TRPC5: variants seen among roughly 807,000 people sequenced by gnomAD.
TRPC5 encodes the protein short transient receptor potential channel 5.
A neutral mutation model predicts 56.5 loss-of-function variants in TRPC5; 9 were observed. The observed-to-expected ratio is 0.16, with a 90% CI of 0.10 to 0.28. The LOEUF (loss-of-function observed/expected upper bound fraction) is 0.28, where lower values mean the gene tolerates loss of function less well. TRPC5 is among the 10% of genes least tolerant of loss of function. TRPC5 has a pLI of 1.00. For synonymous variants in TRPC5, 282 were observed against 278.5 expected (o/e 1.01, Z -0.13); for missense variants, 469 against 748.9 (o/e 0.63, Z 4.36).
chrX:111,866,119 C>G (rs1444885668), intron 3 of TRPC5, among the ~76,000 whole-genome samples: 1 of 113,552 alleles, frequency 8.8e-6, no homozygotes, highest in Non-Finnish European at 1.9e-5. Context: ...ACACTGCACT[C>G]TCTGACAATC....
At chrX:111,826,384 C>T (rs1298261362) in intron 7 of TRPC5, among the ~76,000 whole-genome samples, 1 of 112,015 alleles carries the variant, frequency 8.9e-6, no homozygotes, top group Non-Finnish European at 1.9e-5. Flanking sequence ...TCATAGATTC[C>T]ACATTACCCA....
intron 2 of TRPC5, among the ~76,000 whole-genome samples, chrX:111,934,613 C>A (rs372451386): frequency 9.0e-6 from 1 of 111,416 alleles, no homozygotes; most frequent in Admixed American, 9.6e-5. Context: ...TTCCCCCACC[C>A]CAACTACTAT....
At chrX:111,944,303 T>TGAAAGAGA (rs1556592296) in intron 2 of TRPC5, among the ~76,000 whole-genome samples, 11 of 61,369 alleles carry the variant, frequency 1.8e-4, no homozygotes, top group African/African-American at 1.2e-3. Context: ...TGTGTGTGTG[T>TGAAAGAGA]GAGAGAGAGA....
At chrX:111,955,808 T>C (rs1033488589) in intron 1 of TRPC5, among the ~76,000 whole-genome samples, 2 of 112,216 alleles carry the variant, frequency 1.8e-5, no homozygotes, top group Non-Finnish European at 3.8e-5. Context: ...TGGAAGGTTT[T>C]TCCCCATGAC....
At chrX:112,056,006 A>G (rs1003444140) in intron 1 of TRPC5, among the ~76,000 whole-genome samples, 3 of 111,598 alleles carry the variant, frequency 2.7e-5, no homozygotes, top group African/African-American at 9.8e-5. Flanking sequence ...TGGAGCATCA[A>G]GATAGGGTGA....
chrX:111,969,931 T>A (rs1927733474), intron 1 of TRPC5, among the ~76,000 whole-genome samples: 1 of 110,363 alleles, frequency 9.1e-6, no homozygotes, highest in Admixed American at 9.8e-5. Context: ...TGAACCAGAG[T>A]AGGGGAGAAT....
At chrX:111,967,326 A>G (rs1156950780) in intron 1 of TRPC5, among the ~76,000 whole-genome samples, 1 of 110,877 alleles carries the variant, frequency 9.0e-6, no homozygotes, top group Non-Finnish European at 1.9e-5. Flanking sequence ...AAGGAAATAA[A>G]AGAGGATACA....
intron 1 of TRPC5, among the ~76,000 whole-genome samples, chrX:112,060,013 A>C (rs1211292928): frequency 8.9e-6 from 1 of 112,257 alleles, no homozygotes; most frequent in African/African-American, 3.2e-5. Flanking sequence ...GACACTGAGG[A>C]CTTATCAAGC....
At position 111,807,954 on chromosome X, in the gene TRPC5, C is replaced by CTG. The variant is rs1158422740; in HGVS notation, c.1897-25817_1897-25816insCA. ...ACAAATGGAGTCTCTCTCTCTCTCT[C>CTG]TCTGTGTGTGTGTGTGTGTGTGTGT... is the stretch of plus-strand genomic sequence containing the variant. On this transcript the variant is annotated intron_variant, in intron 7 of 10. Coordinates refer to ENST00000262839, the MANE Select transcript of TRPC5 (RefSeq NM_012471.3). Among the ~76,000 whole-genome samples, 126 of 85,388 alleles carry CTG rather than the reference C, an allele frequency of 1.5e-3. 1 individual carries two copies. Among genetic ancestry groups the CTG allele is most frequent in the African/African-American group, 7.1e-3 (93 of 13,021 alleles). The allele number at this position is 85,388 out of a possible 115,157, so 74.1% of individuals were successfully genotyped here. A position where few individuals can be genotyped will look rare whatever the true frequency, so the allele number is the denominator to read the frequency against.
intron 1 of TRPC5, among the ~76,000 whole-genome samples, chrX:112,036,858 C>T (rs760279761): frequency 1.8e-4 from 20 of 111,037 alleles, no homozygotes; most frequent in Non-Finnish European, 2.8e-4. Flanking sequence ...CCACAGAGAC[C>T]CTTATAAGCA....
intron 1 of TRPC5, among the ~76,000 whole-genome samples, chrX:112,055,419 G>C (rs1213787342): frequency 1.8e-5 from 2 of 110,935 alleles, no homozygotes; most frequent in African/African-American, 6.5e-5. Context: ...GGTGGGGGGT[G>C]GCTGACAGCC....
rs773699663 is a variant in TRPC5 at position 111,913,750 on chromosome X, A to G, written c.379-938T>C. 4.5e-5 allele frequency among the ~76,000 whole-genome samples: 5 copies of G among 111,141 alleles called. No homozygotes were observed. The South Asian group carries it at 1.9e-3, about 43-fold the overall frequency. ...CCGAGGCGAGCGGATCATGAGGTCA[A>G]GAGATAGAGACCATCCTGGCTAACA... On this transcript the variant is annotated intron_variant, in intron 2 of 10. Transcript: ENST00000262839.
chrX:112,005,046 G>A (rs1292444643), intron 1 of TRPC5, among the ~76,000 whole-genome samples: 1 of 111,285 alleles, frequency 9.0e-6, no homozygotes, highest in Non-Finnish European at 1.9e-5. Context: ...TTGCTATCGT[G>A]AATTTTACTA....
chrX:111,887,383 C>G (rs185969723), intron 3 of TRPC5, among the ~76,000 whole-genome samples: 365 of 112,319 alleles, frequency 3.2e-3, no homozygotes, highest in South Asian at 0.015. Flanking sequence ...CTTTGATTGA[C>G]TTCGCATTTG....
chrX:112,006,874 G>A (rs1056254204), intron 1 of TRPC5, among the ~76,000 whole-genome samples: 1 of 111,652 alleles, frequency 9.0e-6, no homozygotes, highest in African/African-American at 3.3e-5. Context: ...AGGGCCCAGT[G>A]CAAAATGAAA....
At chrX:111,894,733 A>T (rs1569527583) in intron 3 of TRPC5, among the ~76,000 whole-genome samples, 1 of 110,631 alleles carries the variant, frequency 9.0e-6, no homozygotes, top group Non-Finnish European at 1.9e-5. Flanking sequence ...AAATAAAACT[A>T]TTTTTTTTGA....
intron 1 of TRPC5, among the ~76,000 whole-genome samples, chrX:112,012,273 T>C (rs1293101094): frequency 8.9e-6 from 1 of 112,180 alleles, no homozygotes; most frequent in African/African-American, 3.2e-5. Flanking sequence ...GGTAAAATGG[T>C]CAAATACTGC....
At chrX:112,028,531 T>C (rs758090429) in intron 1 of TRPC5, among the ~76,000 whole-genome samples, 2 of 111,747 alleles carry the variant, frequency 1.8e-5, no homozygotes, top group Admixed American at 1.9e-4. Flanking sequence ...CAGTGTTTTG[T>C]TTTCTGTCCT....
At chrX:112,043,286 C>T (rs1448799128) in intron 1 of TRPC5, among the ~76,000 whole-genome samples, 2 of 111,604 alleles carry the variant, frequency 1.8e-5, no homozygotes, top group South Asian at 7.5e-4. Flanking sequence ...TGAACATTTT[C>T]GTATAAAAAG....
Sources: gnomAD v4.1 joint callset for allele counts (sites outside exome capture counted in the v4.1 genomes callset) on GRCh38, gnomAD v4.1.1 for gene constraint, MANE v1.5 for transcripts, NCBI Gene and HGNC (gene_info 2026-07-23, HGNC 2026-07-21) for gene names.